Variants in FGD3 observed in about 807,000 individuals in gnomAD.
The protein encoded by FGD3 is FYVE, RhoGEF and PH domain containing 3.
In FGD3, 45 loss-of-function variants were observed where a neutral mutation model predicts 71.8. The ratio of observed to expected loss-of-function variants is 0.63; its 90% confidence interval spans 0.49 to 0.80. The LOEUF (loss-of-function observed/expected upper bound fraction) is 0.80. FGD3 is among the 30% of genes least tolerant of loss of function. The probability of loss-of-function intolerance (pLI) is 0.00; values close to 1 mark genes in which losing one functional copy is unlikely to be tolerated. For missense variants in FGD3, 844 were observed against 951.5 expected, an observed-to-expected ratio of 0.89 and a Z score of 1.49; for synonymous variants, 378 against 392.8, an observed-to-expected ratio of 0.96 and a Z score of 0.44.
intron 14 of FGD3, among the ~76,000 whole-genome samples, chr9:93,029,631 T>G (rs995816105): frequency 6.6e-6 from 1 of 152,234 alleles, no homozygotes; most frequent in Non-Finnish European, 1.5e-5. Flanking sequence ...GTTCCAAACA[T>G]GAAGATCTTG....
intron 6 of FGD3, among the ~76,000 whole-genome samples, chr9:93,008,096 G>A (rs1372180884): frequency 6.6e-5 from 10 of 152,180 alleles, no homozygotes; most frequent in African/African-American, 2.2e-4. Context: ...TTGCAAAAAT[G>A]ACATTGTTAT....
intron 3 of FGD3, among the ~76,000 whole-genome samples, chr9:92,979,545 G>A (rs1436182369): frequency 6.6e-6 from 1 of 152,094 alleles, no homozygotes; most frequent in East Asian, 1.9e-4. Context: ...TAGTCATCAG[G>A]GATATTGGCC....
intron 1 of FGD3, among the ~76,000 whole-genome samples, chr9:92,964,939 C>A (rs1033003764): frequency 1.3e-5 from 2 of 152,214 alleles, no homozygotes; most frequent in Non-Finnish European, 2.9e-5. Context: ...CTGCACTCTG[C>A]AGGTTAGATA....
chr9:93,000,469 C>G (rs1252695240), intron 3 of FGD3, among the ~76,000 whole-genome samples: 1 of 152,148 alleles, frequency 6.6e-6, no homozygotes, highest in Non-Finnish European at 1.5e-5. Context: ...TTTTAGAGCA[C>G]ATTTAATGGC....
chr9:93,012,418 G>A (rs761988623), intron 8 of FGD3, among the ~76,000 whole-genome samples: 8 of 152,060 alleles, frequency 5.3e-5, no homozygotes, highest in East Asian at 1.9e-4. Flanking sequence ...GGCCTGCCCC[G>A]GAAAGTGTCA....
In FGD3 at chr9:93,032,821, G is replaced by A. The variant is rs1301206841; in HGVS notation, c.1733G>A (p.Arg578His). The change falls in exon 16 of 18, where the codon CGT (arginine) becomes CAT (histidine). Residue 578 changes from arginine to histidine, a missense_variant. Coordinates refer to ENST00000375482, the MANE Select transcript of FGD3 (RefSeq NM_001083536.2). ...EFKAENSRQSRVCRDCFLTQP... is the reference protein window; with the variant it reads ...EFKAENSRQSHVCRDCFLTQP... ...AAGGCCGAGAACAGCCGGCAGAGCC[G>A]TGTCTGCAGAGATTGTTTCCTGACA... is the stretch of plus-strand genomic sequence containing the variant. The A allele has an allele frequency of 4.3e-6, 7 of 1,614,232 alleles. No homozygotes were observed. The highest frequency in any genetic ancestry group is 2.2e-5 in the South Asian group (2 of 91,086).
At chr9:93,017,096 G>A (rs914408857) in intron 10 of FGD3, among the ~76,000 whole-genome samples, 2 of 151,994 alleles carry the variant, frequency 1.3e-5, no homozygotes, top group Non-Finnish European at 2.9e-5. Flanking sequence ...TAGTGAAACC[G>A]TGTCTCTATA....
chr9:93,033,280 C>T, intron 16 of FGD3: 1 of 296,714 alleles, frequency 3.4e-6, no homozygotes, highest in Non-Finnish European at 6.7e-6. Flanking sequence ...GGCAGGCACC[C>T]CCTCCTCCTC....
chr9:93,010,318 G>C lies in FGD3; in HGVS notation c.910G>C (p.Glu304Gln). ...LEPVQRVPRY[E>Q]LLLKDYLKRL... ...GCCCGTGCAGAGGGTCCCCCGGTAC[G>C]AGCTGCTGCTCAAGGACTATCTGAA... Residue 304 changes from glutamate (E) to glutamine (Q), a missense_variant, in exon 7 of 18, where the codon GAG becomes CAG. Transcript: ENST00000375482. 10 of 1,613,682 alleles carry C rather than the reference G, an allele frequency of 6.2e-6. No individual in the cohort carries two copies. The highest frequency in any genetic ancestry group is 8.5e-6 in the Non-Finnish European group (10 of 1,179,678).
At chr9:92,949,477 C>T (rs989784635) in intron 1 of FGD3, among the ~76,000 whole-genome samples, 3 of 152,196 alleles carry the variant, frequency 2.0e-5, no homozygotes, top group African/African-American at 4.8e-5. Flanking sequence ...CCCTGCGTGT[C>T]CCTTCCCAAG....
chr9:93,007,744 G>C (rs1459720944), intron 6 of FGD3, among the ~76,000 whole-genome samples: 5 of 152,222 alleles, frequency 3.3e-5, no homozygotes, highest in African/African-American at 1.2e-4. Context: ...TGTGGGGAGG[G>C]CTCTCCGCCT....
chr9:93,022,799 C>T (rs771006725), intron 14 of FGD3, among the ~76,000 whole-genome samples: 8 of 152,060 alleles, frequency 5.3e-5, no homozygotes, highest in South Asian at 2.1e-4. Flanking sequence ...TTAGGAGGCT[C>T]GGTAATGCAG....
At chr9:93,006,209 A>G in intron 6 of FGD3, 29 bp downstream of exon 6, 1 of 1,509,986 alleles carries the variant, frequency 6.6e-7, no homozygotes, top group Non-Finnish European at 8.9e-7. Flanking sequence ...GTGTGGACAC[A>G]GATGTTCTCA....
At chr9:92,986,358 G>C (rs1220990707) in intron 3 of FGD3, among the ~76,000 whole-genome samples, 1 of 152,216 alleles carries the variant, frequency 6.6e-6, no homozygotes, top group African/African-American at 2.4e-5. Context: ...ACTGCCACAA[G>C]GGGGCTGACT....
At chr9:92,993,893 C>T (rs1046289719) in intron 3 of FGD3, among the ~76,000 whole-genome samples, 1 of 152,118 alleles carries the variant, frequency 6.6e-6, no homozygotes, top group Non-Finnish European at 1.5e-5. Flanking sequence ...GGTTCCAAGT[C>T]TTTGCTATTG....
At chr9:92,960,849 T>A (rs1247638779) in intron 1 of FGD3, among the ~76,000 whole-genome samples, 1 of 151,970 alleles carries the variant, frequency 6.6e-6, no homozygotes, top group Non-Finnish European at 1.5e-5. Context: ...GTGTTCCCCC[T>A]TGGCCTCTCT....
chr9:92,983,553 T>C lies in FGD3; in HGVS notation c.453+6844T>C, dbSNP rs528518808. Among the ~76,000 whole-genome samples the C allele has an allele frequency of 2.6e-5, 4 of 152,244 alleles. No individual in the cohort carries two copies. The South Asian group carries it at 8.3e-4, about 32-fold the overall frequency. On this transcript the variant is annotated intron_variant, in intron 3 of 17. Transcript: ENST00000375482. ...AAAACCAAAAAACGAAAAACAGTTA[T>C]CATTATTAGTGATAACATAGTAAGT...
intron 5 of FGD3, among the ~76,000 whole-genome samples, chr9:93,004,361 T>C (rs2118702066): frequency 6.6e-6 from 1 of 152,330 alleles, no homozygotes; most frequent in Middle Eastern, 3.4e-3. Flanking sequence ...AAGCAGATGA[T>C]GCGGAATGAA....
intron 12 of FGD3, 142 bp from the exon 13 acceptor site, chr9:93,020,175 G>A (rs1861857547): frequency 1.3e-5 from 10 of 744,278 alleles, no homozygotes; most frequent in Non-Finnish European, 1.7e-5. Flanking sequence ...ATTGGTAGGG[G>A]GGAAGGGAGA....
Sources: allele counts gnomAD v4.1 joint callset (sites outside exome capture counted in the v4.1 genomes callset), GRCh38; gene constraint gnomAD v4.1.1; transcripts MANE v1.5; gene names NCBI Gene and HGNC (gene_info 2026-07-23, HGNC 2026-07-21).